The following NOS1 variants were observed in gnomAD, a reference collection of about 807,000 sequenced individuals.
The protein encoded by NOS1 is NOS type I.
NOS1 carries 51 observed loss-of-function variants against 164.5 expected under a neutral mutation model. That is an observed-to-expected ratio of 0.31 (90% confidence interval 0.25 to 0.39). The LOEUF (loss-of-function observed/expected upper bound fraction) is 0.39. NOS1 is among the 10% of genes least tolerant of loss of function. The probability of loss-of-function intolerance (pLI) is 1.00; values close to 1 mark genes in which losing one functional copy is unlikely to be tolerated. For missense variants in NOS1, 1,362 were observed against 1,885.6 expected, an observed-to-expected ratio of 0.72 and a Z score of 5.14; for synonymous variants, 719 against 745.8, an observed-to-expected ratio of 0.96 and a Z score of 0.59.
intron 1 of NOS1, among the ~76,000 whole-genome samples, chr12:117,342,202 T>C (rs996020870): frequency 6.6e-6 from 1 of 152,150 alleles, no homozygotes; most frequent in Non-Finnish European, 1.5e-5. Context: ...TGCCTACTCA[T>C]ACATAGCTCT....
intron 3 of NOS1, among the ~76,000 whole-genome samples, chr12:117,294,933 T>G (rs1030875384): frequency 7.2e-5 from 11 of 152,136 alleles, no homozygotes; most frequent in Non-Finnish European, 1.3e-4. Context: ...GCAGAGGCCC[T>G]GAAGGAATGA....
chr12:117,357,361 A>G (rs1352451322), intron 1 of NOS1, among the ~76,000 whole-genome samples: 3 of 152,214 alleles, frequency 2.0e-5, no homozygotes, highest in Non-Finnish European at 2.9e-5. Flanking sequence ...GGGAGGAATT[A>G]TTTTCAGTCT....
chr12:117,323,804 C>T (rs1334284970), intron 2 of NOS1, among the ~76,000 whole-genome samples: 1 of 152,042 alleles, frequency 6.6e-6, no homozygotes, highest in Non-Finnish European at 1.5e-5. Context: ...TATTTTGAGA[C>T]AGAATTTGAC....
intron 17 of NOS1, among the ~76,000 whole-genome samples, chr12:117,252,003 G>A (rs1291641000): frequency 1.3e-5 from 2 of 152,180 alleles, no homozygotes; most frequent in African/African-American, 4.8e-5. Context: ...AAAGTGCTGG[G>A]ATTACAGGCA....
chr12:117,244,415 T>C lies in NOS1; in HGVS notation c.2824-980A>G, dbSNP rs377536738. On this transcript the variant is annotated intron_variant, in intron 18 of 28. Transcript: ENST00000317775. ...GGCATGTGCACCATGCCCAGCTAATTTTTAGTAGAGACAGGGTTTCGCCAT... is the reference window on the plus strand; with the variant it reads ...GGCATGTGCACCATGCCCAGCTAATCTTTAGTAGAGACAGGGTTTCGCCAT... 3.3e-5 allele frequency among the ~76,000 whole-genome samples: 5 copies of C among 152,126 alleles called. No individual in the cohort carries two copies. The East Asian group carries it at 7.7e-4, about 24-fold the overall frequency.
intron 16 of NOS1, among the ~76,000 whole-genome samples, chr12:117,256,422 G>A (rs1019086586): frequency 1.3e-4 from 19 of 151,910 alleles, no homozygotes; most frequent in African/African-American, 3.6e-4. Context: ...GGGATTACAG[G>A]TGCACTCCAC....
At chr12:117,285,978 T>C in intron 6 of NOS1, 126 bp downstream of exon 6, 1 of 1,008,396 alleles carries the variant, frequency 9.9e-7, no homozygotes, top group African/African-American at 1.6e-5. Flanking sequence ...GTGACCATCA[T>C]CTGATAGGTC....
chr12:117,222,653 G>A, intron 26 of NOS1, 62 bp downstream of exon 26: 1 of 1,504,386 alleles, frequency 6.6e-7, no homozygotes, highest in South Asian at 1.2e-5. Flanking sequence ...GTTTCTGAGA[G>A]TAGGATGTCC....
chr12:117,294,350 C>T (rs1311543497), intron 3 of NOS1, among the ~76,000 whole-genome samples: 1 of 151,916 alleles, frequency 6.6e-6, no homozygotes, highest in Admixed American at 6.6e-5. Context: ...GGGGGAGGAG[C>T]GAGATAACAG....
chr12:117,215,257 A>T lies in NOS1; in HGVS notation c.*52T>A. On this transcript the variant is annotated 3_prime_UTR_variant, in exon 29 of 29. Transcript: ENST00000317775. ...GGGGGTCCCAGAGGAAAGGTTCAGCAGTGTCTGTCCGCGCTTACAAAACTT... is the reference window on the plus strand; with the variant it reads ...GGGGGTCCCAGAGGAAAGGTTCAGCTGTGTCTGTCCGCGCTTACAAAACTT... 6.7e-7 allele frequency: 1 copy of T among 1,493,602 alleles called. No individual in the cohort carries two copies. The highest frequency in any genetic ancestry group is 9.0e-7 in the Non-Finnish European group (1 of 1,116,810). 92.5% of individuals were successfully genotyped at this position (1,493,602 alleles called of 1,614,324 possible). A position where few individuals can be genotyped will look rare whatever the true frequency, so the allele number is the denominator to read the frequency against.
At chr12:117,222,199 T>C (rs1956718208) in intron 26 of NOS1, among the ~76,000 whole-genome samples, 1 of 152,204 alleles carries the variant, frequency 6.6e-6, no homozygotes, top group Non-Finnish European at 1.5e-5. Context: ...GATTTGCCTA[T>C]TCTGGATATT....
intron 15 of NOS1, 29 bp downstream of exon 15, chr12:117,258,997 A>C: frequency 6.6e-7 from 1 of 1,521,892 alleles, no homozygotes; most frequent in Non-Finnish European, 9.1e-7. Context: ...ATGGAACCAC[A>C]CTCTTGAACA....
chr12:117,277,841 C>A (rs1873310501), intron 9 of NOS1, 118 bp downstream of exon 9: 2 of 1,247,630 alleles, frequency 1.6e-6, no homozygotes, highest in South Asian at 3.1e-5. Flanking sequence ...CCAAGCCCCC[C>A]TTTCCCCTTT....
rs142534152 is a variant in NOS1, at chr12:117,318,643, C to T, written c.726-7051G>A. ...GGAAAAGGGGTCCTGGGCTTGATTCCCCAGGAAGTTTGAAGGTGGGTCGAT... is the reference window on the plus strand; with the variant it reads ...GGAAAAGGGGTCCTGGGCTTGATTCTCCAGGAAGTTTGAAGGTGGGTCGAT... On this transcript the variant is annotated intron_variant, in intron 2 of 28. Transcript: ENST00000317775. Among the ~76,000 whole-genome samples the T allele has an allele frequency of 1.2e-3, 184 of 152,260 alleles. 1 individual carries two copies. The highest frequency in any genetic ancestry group is 4.3e-3 in the African/African-American group (179 of 41,538).
At chr12:117,271,950 C>T (rs1426472580) in intron 10 of NOS1, among the ~76,000 whole-genome samples, 1 of 152,140 alleles carries the variant, frequency 6.6e-6, no homozygotes, top group Non-Finnish European at 1.5e-5. Context: ...GTCAGTCATC[C>T]TCAAGCTCTT....
intron 1 of NOS1, among the ~76,000 whole-genome samples, chr12:117,341,248 G>A (rs763535344): frequency 1.3e-5 from 2 of 152,214 alleles, no homozygotes; most frequent in Non-Finnish European, 2.9e-5. Flanking sequence ...CATGGGAGTC[G>A]ATGACTGTCA....
chr12:117,217,479 C>T (rs1187399559), intron 28 of NOS1, among the ~76,000 whole-genome samples: 3 of 152,080 alleles, frequency 2.0e-5, no homozygotes, highest in Non-Finnish European at 4.4e-5. Context: ...CTGAGGTGGG[C>T]AGATCACTTG....
At chr12:117,235,081 G>A (rs1869591738) in intron 20 of NOS1, among the ~76,000 whole-genome samples, 1 of 151,946 alleles carries the variant, frequency 6.6e-6, no homozygotes, top group African/African-American at 2.4e-5. Context: ...TCATGCCTGG[G>A]TAATTTTGGA....
In NOS1 at chr12:117,335,729, T is replaced by TGGGAGAGAGAGAGAGAGA. The variant is rs368456314; in HGVS notation, c.-420-4241_-420-4240insTCTCTCTCTCTCTCTCCC. Reference sequence around the variant, plus strand: ...TTTTATTTAATTGTTACAGACTATATGAGAGAGAGAGAGAGAGAGAGAGAG... The same window carrying TGGGAGAGAGAGAGAGAGA: ...TTTTATTTAATTGTTACAGACTATATGGGAGAGAGAGAGAGAGAGAGAGAGAGAGAGAGAGAGAGAGAG... On this transcript the variant is annotated intron_variant, in intron 1 of 28. Coordinates refer to ENST00000317775, the MANE Select transcript of NOS1 (RefSeq NM_000620.5). 1.6e-3 allele frequency among the ~76,000 whole-genome samples: 183 copies of TGGGAGAGAGAGAGAGAGA among 112,600 alleles called. 4 individuals are homozygous for TGGGAGAGAGAGAGAGAGA. Among genetic ancestry groups the TGGGAGAGAGAGAGAGAGA allele is most frequent in the African/African-American group, 5.9e-3 (164 of 28,030 alleles). 73.9% of individuals were successfully genotyped at this position (112,600 alleles called of 152,430 possible).
Sources: allele counts gnomAD v4.1 joint callset (sites outside exome capture counted in the v4.1 genomes callset), GRCh38; gene constraint gnomAD v4.1.1; transcripts MANE v1.5; gene names NCBI Gene and HGNC (gene_info 2026-07-23, HGNC 2026-07-21).